The following CSMD1 variants were observed in gnomAD, a reference collection of about 807,000 sequenced individuals.
CSMD1 encodes the protein CUB and sushi domain-containing protein 1.
In CSMD1, 213 loss-of-function variants were observed where a neutral mutation model predicts 417.5. That is an observed-to-expected ratio of 0.51 (90% CI 0.46 to 0.57). CSMD1 has a LOEUF of 0.57. Among genes scored for constraint, CSMD1 ranks in the 20% least tolerant of loss-of-function variants. CSMD1 has a pLI of 0.00. For missense variants in CSMD1, 6,923 were observed against 4,529.7 expected, an observed-to-expected ratio of 1.53 and a Z score of -15.17; for synonymous variants, 2,862 against 1,736.8, an observed-to-expected ratio of 1.65 and a Z score of -16.11.
chr8:4,941,729 G>C (rs1808016481), intron 1 of CSMD1, among the ~76,000 whole-genome samples: 1 of 152,188 alleles, frequency 6.6e-6, no homozygotes, highest in Admixed American at 6.5e-5. Flanking sequence ...CTCCTGAGTA[G>C]TTGGGACCAC....
chr8:3,910,599 C>T (rs1215149080), intron 5 of CSMD1, among the ~76,000 whole-genome samples: 1 of 152,162 alleles, frequency 6.6e-6, no homozygotes, highest in East Asian at 1.9e-4. Flanking sequence ...GGTTCTAACA[C>T]AGCAAAAGAC....
intron 1 of CSMD1, among the ~76,000 whole-genome samples, chr8:4,950,900 A>G (rs957947719): frequency 2.6e-5 from 4 of 152,132 alleles, no homozygotes; most frequent in African/African-American, 9.7e-5. Context: ...AAACAAATGT[A>G]CTTGTTTAAA....
At chr8:4,752,561 GA>G (rs1328127659) in intron 1 of CSMD1, among the ~76,000 whole-genome samples, 11 of 152,148 alleles carry the variant, frequency 7.2e-5, no homozygotes, top group Admixed American at 7.2e-4. Flanking sequence ...CAGATGCACA[GA>G]GTGAAAACGA....
At chr8:3,868,338 G>C (rs947383324) in intron 5 of CSMD1, among the ~76,000 whole-genome samples, 1 of 151,948 alleles carries the variant, frequency 6.6e-6, no homozygotes. Flanking sequence ...TTTATTTTTT[G>C]CCTTCCTTTC....
intron 3 of CSMD1, among the ~76,000 whole-genome samples, chr8:4,208,768 T>C (rs1800127121): frequency 6.6e-6 from 1 of 152,206 alleles, no homozygotes. Context: ...GGAAATTTTG[T>C]ATTACAGAAA....
chr8:4,483,204 A>G (rs1265615676), intron 2 of CSMD1, among the ~76,000 whole-genome samples: 1 of 152,146 alleles, frequency 6.6e-6, no homozygotes, highest in African/African-American at 2.4e-5. Context: ...CTCTCTTGCC[A>G]CCACCAAGTG....
chr8:4,844,220 T>C (rs1801005790), intron 1 of CSMD1, among the ~76,000 whole-genome samples: 1 of 152,178 alleles, frequency 6.6e-6, no homozygotes, highest in Non-Finnish European at 1.5e-5. Flanking sequence ...ACCTGGTAAT[T>C]TCAAGTAGTA....
intron 7 of CSMD1, among the ~76,000 whole-genome samples, chr8:3,690,322 C>G (rs1052836372): frequency 6.6e-6 from 1 of 152,242 alleles, no homozygotes; most frequent in Admixed American, 6.5e-5. Context: ...CACCACTGCA[C>G]TGCAGCCTGG....
At chr8:3,097,212 G>A (rs1357433775) in intron 46 of CSMD1, among the ~76,000 whole-genome samples, 175 bp from the exon 47 acceptor site, 1 of 152,104 alleles carries the variant, frequency 6.6e-6, no homozygotes, top group African/African-American at 2.4e-5. Flanking sequence ...GAATAATCAT[G>A]AGAATTGTGC....
At chr8:3,645,120 T>C (rs1042778706) in intron 7 of CSMD1, among the ~76,000 whole-genome samples, 12 of 152,150 alleles carry the variant, frequency 7.9e-5, no homozygotes, top group African/African-American at 2.9e-4. Context: ...GCTAAGGCCA[T>C]GTTCAAAGCC....
chr8:4,946,846 T>G (rs1441655603), intron 1 of CSMD1, among the ~76,000 whole-genome samples: 1 of 152,238 alleles, frequency 6.6e-6, no homozygotes, highest in Non-Finnish European at 1.5e-5. Context: ...ACACATTTAT[T>G]TTGACATAAG....
chr8:4,915,954 A>C (rs1464955142), intron 1 of CSMD1, among the ~76,000 whole-genome samples: 1 of 152,208 alleles, frequency 6.6e-6, no homozygotes, highest in Non-Finnish European at 1.5e-5. Flanking sequence ...TCTCTTCCAC[A>C]GGAACATCTT....
chr8:3,162,587 C>A (rs528588122), intron 37 of CSMD1, among the ~76,000 whole-genome samples: 13 of 152,004 alleles, frequency 8.6e-5, no homozygotes, highest in African/African-American at 3.1e-4. Context: ...TGTAAAAAGT[C>A]TCTTCAAAAA....
At chr8:4,075,828 A>G (rs2130794683) in intron 3 of CSMD1, among the ~76,000 whole-genome samples, 1 of 152,308 alleles carries the variant, frequency 6.6e-6, no homozygotes, top group Admixed American at 6.5e-5. Flanking sequence ...GTCAGAGTGA[A>G]AAAGGAAGCA....
intron 46 of CSMD1, among the ~76,000 whole-genome samples, chr8:3,102,033 C>T (rs901636370): frequency 6.6e-6 from 1 of 152,002 alleles, no homozygotes. Flanking sequence ...AACTCCTGAC[C>T]TCAGGTGATC....
intron 26 of CSMD1, among the ~76,000 whole-genome samples, chr8:3,276,592 G>A (rs938316562): frequency 2.0e-5 from 3 of 152,104 alleles, no homozygotes; most frequent in African/African-American, 4.8e-5. Context: ...CCCATGATAC[G>A]TGGGAATTGT....
chr8:4,236,276 G>A (rs778301825), intron 3 of CSMD1, among the ~76,000 whole-genome samples: 1 of 152,024 alleles, frequency 6.6e-6, no homozygotes, highest in Non-Finnish European at 1.5e-5. Context: ...TTGGCACACT[G>A]ATCGGAATTC....
intron 2 of CSMD1, among the ~76,000 whole-genome samples, chr8:4,433,661 C>G (rs1254979217): frequency 6.6e-6 from 1 of 152,142 alleles, no homozygotes; most frequent in Non-Finnish European, 1.5e-5. Context: ...TCTGAAAGAG[C>G]TACACTCTCC....
chr8:3,400,715 A>T (rs1479077195), intron 15 of CSMD1, among the ~76,000 whole-genome samples: 1 of 151,842 alleles, frequency 6.6e-6, no homozygotes, highest in Non-Finnish European at 1.5e-5. Context: ...ATAAAAGAAA[A>T]ATTTTATTCA....
Sources: allele counts gnomAD v4.1 joint callset (sites outside exome capture counted in the v4.1 genomes callset), GRCh38; gene constraint gnomAD v4.1.1; transcripts MANE v1.5; gene names NCBI Gene and HGNC (gene_info 2026-07-23, HGNC 2026-07-21).